Variants in ABCB5 observed in about 807,000 individuals in gnomAD.
ABCB5 encodes the protein ATP binding cassette subfamily B member 5.
Under a neutral mutation model 144.2 loss-of-function variants are expected in ABCB5, and 155 were observed. That is an observed-to-expected ratio of 1.08 (90% CI 0.94 to 1.23). The LOEUF (loss-of-function observed/expected upper bound fraction) is 1.23, where lower values mean the gene tolerates loss of function less well. Ranked by LOEUF, ABCB5 falls within the 50% of genes most tolerant of loss-of-function variation. ABCB5 has a pLI of 0.00. For missense variants in ABCB5, 1,830 were observed against 1,520.8 expected, an observed-to-expected ratio of 1.20 and a Z score of -3.38; for synonymous variants, 610 against 528.6, an observed-to-expected ratio of 1.15 and a Z score of -2.11.
chr7:20,696,289 A>C (rs1219369830), intron 16 of ABCB5, among the ~76,000 whole-genome samples: 1 of 152,146 alleles, frequency 6.6e-6, no homozygotes, highest in East Asian at 1.9e-4. Context: ...CAAAATAAGT[A>C]TGTTGAGCAA....
At chr7:20,638,963 T>G (rs1784224871) in intron 5 of ABCB5, among the ~76,000 whole-genome samples, 1 of 152,206 alleles carries the variant, frequency 6.6e-6, no homozygotes, top group African/African-American at 2.4e-5. Flanking sequence ...GCTACACCAT[T>G]TTACTGTCCA....
chr7:20,667,411 C>A lies in ABCB5; in HGVS notation c.1707+8735C>A, dbSNP rs996859598. 6 of 985,458 alleles carry A rather than the reference C, an allele frequency of 6.1e-6. No individual in the cohort carries two copies. In the African/African-American group the frequency reaches 1.0e-4, roughly 17 times the overall value. The allele number at this position is 985,458 out of a possible 1,614,324, so 61.0% of individuals were successfully genotyped here. Reference sequence around the variant, plus strand: ...GAAACCCTGTGATTCTGATTCTGTGCACAGAAGGATACATGGAATTCTCAG... The same window carrying A: ...GAAACCCTGTGATTCTGATTCTGTGAACAGAAGGATACATGGAATTCTCAG... On this transcript the variant is annotated intron_variant, in intron 14 of 27. Transcript: ENST00000404938.
At chr7:20,754,759 T>C (rs1309930524) in intron 27 of ABCB5, among the ~76,000 whole-genome samples, 4 of 152,300 alleles carry the variant, frequency 2.6e-5, no homozygotes, top group East Asian at 1.9e-4. Context: ...AAAGAAATGA[T>C]AGTAGAAATT....
intron 19 of ABCB5, among the ~76,000 whole-genome samples, chr7:20,702,655 ATTTTTT>A (rs34454519): frequency 8.5e-6 from 1 of 117,166 alleles, no homozygotes; most frequent in African/African-American, 3.4e-5. Flanking sequence ...CATATAATGG[ATTTTTT>A]TTTTTTTTTT....
intron 1 of ABCB5, among the ~76,000 whole-genome samples, chr7:20,620,827 G>A (rs2128015993): frequency 6.6e-6 from 1 of 152,222 alleles, no homozygotes; most frequent in Admixed American, 6.5e-5. Flanking sequence ...AAGAAAAACA[G>A]TATGAATATT....
intron 17 of ABCB5, among the ~76,000 whole-genome samples, chr7:20,699,624 C>G (rs975633208): frequency 1.3e-5 from 2 of 151,950 alleles, no homozygotes; most frequent in African/African-American, 4.8e-5. Context: ...TCACTTGAAC[C>G]TGGGAGGCAG....
chr7:20,735,964 T>C (rs73687889), intron 23 of ABCB5, among the ~76,000 whole-genome samples: 28,056 of 152,182 alleles, frequency 0.18, 2,816 homozygotes, highest in East Asian at 0.22. Context: ...ACCAAATAAA[T>C]GTTAGTTGCT....
At chr7:20,725,127 C>G (rs1333527008) in intron 21 of ABCB5, among the ~76,000 whole-genome samples, 3 of 152,206 alleles carry the variant, frequency 2.0e-5, no homozygotes, top group Non-Finnish European at 4.4e-5. Context: ...GACTATACAA[C>G]AAACAACTCT....
intron 21 of ABCB5, among the ~76,000 whole-genome samples, chr7:20,724,112 G>A (rs555864441): frequency 6.6e-6 from 1 of 152,130 alleles, no homozygotes; most frequent in South Asian, 2.1e-4. Context: ...TCCAGTGGCA[G>A]GTAGTACATT....
chr7:20,629,942 G>A (rs949641247), intron 4 of ABCB5, among the ~76,000 whole-genome samples: 1 of 152,148 alleles, frequency 6.6e-6, no homozygotes, highest in African/African-American at 2.4e-5. Flanking sequence ...ACTAGAGACA[G>A]ATACCCTGAA....
intron 24 of ABCB5, among the ~76,000 whole-genome samples, chr7:20,741,740 C>G (rs1198932849): frequency 6.6e-6 from 1 of 152,046 alleles, no homozygotes; most frequent in East Asian, 1.9e-4. Flanking sequence ...GTAAACCTGA[C>G]TGTAAGGATG....
At position 20,648,118 on chromosome 7, in the gene ABCB5, T is replaced by G. The variant is rs747845714; in HGVS notation, c.1206+40T>G. On this transcript the variant is annotated intron_variant, in intron 11 of 27. Transcript: ENST00000404938. ...ATTACGCAATTGTGCAGTTTTCTGA[T>G]ATTATCTTCTACTGGCCAAGATCTT... 2.5e-6 allele frequency: 3 copies of G among 1,198,072 alleles called. No individual in the cohort carries two copies. In the Admixed American group the frequency reaches 5.8e-5, roughly 23 times the overall value. 74.2% of individuals were successfully genotyped at this position (1,198,072 alleles called of 1,614,324 possible).
chr7:20,645,543 G>A (rs1163460880), intron 7 of ABCB5, among the ~76,000 whole-genome samples: 1 of 152,152 alleles, frequency 6.6e-6, no homozygotes, highest in East Asian at 1.9e-4. Context: ...TGTGAAATCA[G>A]GTAAACCTGT....
chr7:20,689,884 A>T (rs1035672821), intron 16 of ABCB5, among the ~76,000 whole-genome samples: 99 of 152,180 alleles, frequency 6.5e-4, no homozygotes, highest in African/African-American at 2.3e-3. Context: ...GTAATATTTC[A>T]GACAGGGGCA....
chr7:20,660,072 T>C, intron 14 of ABCB5: 1 of 985,342 alleles, frequency 1.0e-6, no homozygotes, highest in Non-Finnish European at 1.2e-6. Context: ...TTTCATCCAC[T>C]GGTAATCACT....
At chr7:20,697,265 A>G (rs1286955659) in intron 16 of ABCB5, among the ~76,000 whole-genome samples, 1 of 152,206 alleles carries the variant, frequency 6.6e-6, no homozygotes, top group Non-Finnish European at 1.5e-5. Context: ...TCTGTTGTCC[A>G]AACAACAGTC....
chr7:20,671,299 T>C (rs140699872), intron 14 of ABCB5, among the ~76,000 whole-genome samples: 1 of 152,330 alleles, frequency 6.6e-6, no homozygotes, highest in Non-Finnish European at 1.5e-5. Context: ...TTGCTTCTTT[T>C]ATTTGACTTT....
intron 20 of ABCB5, among the ~76,000 whole-genome samples, chr7:20,717,933 G>A (rs56118169): frequency 0.031 from 3,238 of 104,040 alleles, 157 homozygotes; most frequent in African/African-American, 0.11. Context: ...ACAGAGCCTC[G>A]CTCTGTCGCC....
At chr7:20,709,034 C>G (rs1426191162) in intron 20 of ABCB5, among the ~76,000 whole-genome samples, 1 of 152,202 alleles carries the variant, frequency 6.6e-6, no homozygotes, top group Non-Finnish European at 1.5e-5. Context: ...CATATGTCAA[C>G]TCATCAAGAT....
Sources: allele counts gnomAD v4.1 joint callset (sites outside exome capture counted in the v4.1 genomes callset), GRCh38; gene constraint gnomAD v4.1.1; transcripts MANE v1.5; gene names NCBI Gene and HGNC (gene_info 2026-07-23, HGNC 2026-07-21).